The following POU2F3 variants were observed in gnomAD, a reference collection of about 807,000 sequenced individuals.
POU2F3 encodes POU class 2 homeobox 3, also known as POU domain, class 2, transcription factor 3.
POU2F3 carries 23 observed loss-of-function variants against 59.2 expected under a neutral mutation model. The observed-to-expected ratio is 0.39, with a 90% CI of 0.28 to 0.55. The LOEUF (loss-of-function observed/expected upper bound fraction) is 0.55. POU2F3 is among the 20% of genes least tolerant of loss of function. The pLI is 0.66. For synonymous variants in POU2F3, 190 were observed against 214.6 expected (o/e 0.89, Z 1.00); for missense variants, 473 against 544.5 (o/e 0.87, Z 1.31).
At chr11:120,237,296 ATG>A (rs1938527155), upstream of POU2F3, among the ~76,000 whole-genome samples, 3 of 152,272 alleles carry the variant, frequency 2.0e-5, no homozygotes, top group South Asian at 6.2e-4. Context: ...AAATGAATGA[ATG>A]TGAGGGAGTA....
chr11:120,310,525 G>A (rs1941624307), intron 10 of POU2F3, among the ~76,000 whole-genome samples: 1 of 152,160 alleles, frequency 6.6e-6, no homozygotes, highest in African/African-American at 2.4e-5. Flanking sequence ...ACAATTTGAA[G>A]TTCTAGGGAG....
chr11:120,271,142 C>G (rs1940052102), intron 3 of POU2F3, among the ~76,000 whole-genome samples: 1 of 152,158 alleles, frequency 6.6e-6, no homozygotes, highest in African/African-American at 2.4e-5. Flanking sequence ...GGGGAGTTTG[C>G]TAACAAATGA....
intron 9 of POU2F3, 62 bp downstream of exon 9, chr11:120,307,677 C>T (rs540571987): frequency 2.6e-5 from 41 of 1,595,368 alleles, no homozygotes; most frequent in Middle Eastern, 1.7e-4. Context: ...AGAGCAGACA[C>T]GGCCCAGGCC....
At chr11:120,249,325 C>T (rs959877838) in intron 2 of POU2F3, among the ~76,000 whole-genome samples, 4 of 152,192 alleles carry the variant, frequency 2.6e-5, no homozygotes, top group Non-Finnish European at 5.9e-5. Context: ...CTACCTAATG[C>T]TTCCTCATCT....
At chr11:120,291,526 C>T (rs1228287392) in intron 3 of POU2F3, among the ~76,000 whole-genome samples, 2 of 152,340 alleles carry the variant, frequency 1.3e-5, no homozygotes, top group East Asian at 1.9e-4. Flanking sequence ...ATCTGTCATA[C>T]ACCTAGTGCA....
At chr11:120,291,813 C>CT (rs11330526) in intron 3 of POU2F3, among the ~76,000 whole-genome samples, 1,663 of 141,408 alleles carry the variant, frequency 0.012, 23 homozygotes, top group African/African-American at 0.038. Context: ...TTTCTTTTTT[C>CT]TTTTTTTTTT....
At chr11:120,299,473 T>C in intron 4 of POU2F3, 151 bp from the exon 5 acceptor site, 1 of 609,252 alleles carries the variant, frequency 1.6e-6, no homozygotes, top group Non-Finnish European at 2.9e-6. Context: ...TACTATTTGC[T>C]AGACACTGGG....
chr11:120,302,003 C>T (rs1480110754), intron 5 of POU2F3: 5 of 365,238 alleles, frequency 1.4e-5, no homozygotes, highest in Non-Finnish European at 2.0e-5. Context: ...CTTGACCCTC[C>T]TTAGCCTCTA....
chr11:120,302,709 C>T (rs766761676), intron 6 of POU2F3: 5 of 253,642 alleles, frequency 2.0e-5, no homozygotes, highest in South Asian at 7.2e-5. Context: ...AAGATGGCCA[C>T]GAACCCTACC....
intron 10 of POU2F3, among the ~76,000 whole-genome samples, chr11:120,311,530 G>T (rs1324002858): frequency 6.6e-6 from 1 of 152,196 alleles, no homozygotes; most frequent in Non-Finnish European, 1.5e-5. Context: ...TGGCATTCAG[G>T]CTGGGCTAAC....
intron 11 of POU2F3, among the ~76,000 whole-genome samples, chr11:120,316,886 A>G (rs1231308326): frequency 6.6e-6 from 1 of 151,380 alleles, no homozygotes; most frequent in Non-Finnish European, 1.5e-5. Context: ...TTTTTCTCCT[A>G]CCGCCTCTTG....
intron 6 of POU2F3, among the ~76,000 whole-genome samples, chr11:120,304,686 C>T (rs959782414): frequency 2.0e-5 from 3 of 151,382 alleles, no homozygotes; most frequent in Admixed American, 1.3e-4. Flanking sequence ...TCTTTGTAAA[C>T]AACCCTGCTA....
chr11:120,316,775 G>A (rs1591449297), intron 11 of POU2F3, among the ~76,000 whole-genome samples: 1 of 152,190 alleles, frequency 6.6e-6, no homozygotes, highest in Admixed American at 6.5e-5. Context: ...TCTTTGTGGA[G>A]ACTGGAGAAC....
At chr11:120,255,898 C>T (rs1939321775) in intron 2 of POU2F3, 1 of 152,278 alleles carries the variant, frequency 6.6e-6, no homozygotes, top group Non-Finnish European at 1.5e-5. Context: ...CTGATCATCT[C>T]AGGTTGTCCC....
At chr11:120,306,729 G>A (rs925061861) in intron 8 of POU2F3, among the ~76,000 whole-genome samples, 1 of 152,162 alleles carries the variant, frequency 6.6e-6, no homozygotes, top group Admixed American at 6.5e-5. Context: ...GGGAGAAAAG[G>A]GTGGGGCAGC....
chr11:120,305,518 C>T (rs1327557377), intron 7 of POU2F3, 126 bp from the exon 8 acceptor site: 28 of 1,382,806 alleles, frequency 2.0e-5, no homozygotes, highest in Admixed American at 6.4e-5. Context: ...GGAAAGGAGC[C>T]GAGCATGGGT....
At chr11:120,309,725 G>T in intron 10 of POU2F3, 139 bp downstream of exon 10, 2 of 1,046,228 alleles carry the variant, frequency 1.9e-6, no homozygotes, top group South Asian at 3.6e-5. Context: ...ATAGTATAAA[G>T]AAGGGCGAGG....
At chr11:120,256,151 T>A (rs1939336312) in intron 2 of POU2F3, 1 of 152,166 alleles carries the variant, frequency 6.6e-6, no homozygotes, top group Non-Finnish European at 1.5e-5. Flanking sequence ...TCAGTTAGTA[T>A]TTGTAAGGCT....
intron 2 of POU2F3, chr11:120,249,671 A>T: frequency 6.6e-6 from 1 of 152,364 alleles, no homozygotes. Context: ...TGCTGGCCAC[A>T]TCATTGCCTC....
Sources: allele counts gnomAD v4.1 joint callset (sites outside exome capture counted in the v4.1 genomes callset), GRCh38; gene constraint gnomAD v4.1.1; transcripts MANE v1.5; gene names NCBI Gene and HGNC (gene_info 2026-07-23, HGNC 2026-07-21).